DHX35: variants seen among roughly 807,000 people sequenced by gnomAD.
DHX35 encodes probable ATP-dependent RNA helicase DHX35.
DHX35 carries 84 observed loss-of-function variants against 99.6 expected under a neutral mutation model. That is an observed-to-expected ratio of 0.84 (90% CI 0.71 to 1.01). The LOEUF (loss-of-function observed/expected upper bound fraction) is 1.01, where lower values mean the gene tolerates loss of function less well. Ranked by LOEUF, DHX35 falls within the 50% of genes least tolerant of loss-of-function variation. The pLI is 0.00. For synonymous variants in DHX35, 331 were observed against 316.2 expected, an observed-to-expected ratio of 1.05 and a Z score of -0.50; for missense variants, 852 against 888.5, an observed-to-expected ratio of 0.96 and a Z score of 0.52.
chr20:38,980,554 G>T, intron 3 of DHX35, among the ~76,000 whole-genome samples: 1 of 148,896 alleles, frequency 6.7e-6, no homozygotes, highest in South Asian at 2.1e-4. Context: ...GTGGTTGGTA[G>T]TATTTTGTAT....
chr20:39,005,427 A>C (rs2086599432), intron 11 of DHX35, among the ~76,000 whole-genome samples: 1 of 152,176 alleles, frequency 6.6e-6, no homozygotes, highest in Non-Finnish European at 1.5e-5. Context: ...GCTGCTTGTT[A>C]CTCAGGTCTC....
At position 39,021,935 on chromosome 20, in the gene DHX35, AGT is replaced by A; in HGVS notation, c.1593+1_1593+2del. On this transcript the variant is annotated splice_donor_variant, in intron 16 of 21. Transcript: ENST00000252011. LOFTEE classifies it high-confidence loss of function. ...TCCCCCCAAACCAGAAGTCTCACGC[AGT>A]AAGTCAGCTCTGTCCCCAGGCTGTC... 6.2e-7 allele frequency: 1 copy of A among 1,614,138 alleles called. No homozygotes were observed. The highest frequency in any genetic ancestry group is 1.1e-5 in the South Asian group (1 of 91,082).
chr20:38,980,689 A>G (rs1482911734), intron 3 of DHX35, among the ~76,000 whole-genome samples: 1 of 152,188 alleles, frequency 6.6e-6, no homozygotes. Flanking sequence ...TAATAGAAAA[A>G]TTGCAAAAAA....
chr20:39,033,835 A>T (rs2087099847), intron 20 of DHX35, among the ~76,000 whole-genome samples: 1 of 152,316 alleles, frequency 6.6e-6, no homozygotes, highest in African/African-American at 2.4e-5. Flanking sequence ...GTGTCTCTTT[A>T]CAGTCAGTTC....
chr20:39,012,656 A>G (rs929144585), intron 13 of DHX35, among the ~76,000 whole-genome samples: 1 of 152,230 alleles, frequency 6.6e-6, no homozygotes, highest in African/African-American at 2.4e-5. Flanking sequence ...CAGCCTCCCA[A>G]GTAGCTGGGA....
At chr20:38,973,482 A>G (rs1434946756) in intron 3 of DHX35, among the ~76,000 whole-genome samples, 2 of 152,214 alleles carry the variant, frequency 1.3e-5, no homozygotes, top group Non-Finnish European at 2.9e-5. Flanking sequence ...TCTAACTGCC[A>G]TGTCTGCTTA....
intron 12 of DHX35, 56 bp downstream of exon 12, chr20:39,006,412 A>T (rs1477003935): frequency 7.6e-6 from 12 of 1,581,016 alleles, no homozygotes; most frequent in Non-Finnish European, 1.0e-5. Flanking sequence ...CCTGGGCAAC[A>T]GAGTGTAGCA....
At chr20:38,975,059 G>T (rs2086055529) in intron 3 of DHX35, among the ~76,000 whole-genome samples, 2 of 152,180 alleles carry the variant, frequency 1.3e-5, no homozygotes, top group African/African-American at 4.8e-5. Context: ...GTCCAGACTT[G>T]TGGTCATGCC....
intron 21 of DHX35, among the ~76,000 whole-genome samples, chr20:39,036,014 G>C (rs1001471119): frequency 1.3e-5 from 2 of 152,186 alleles, no homozygotes; most frequent in African/African-American, 2.4e-5. Context: ...TGAAAGAAAG[G>C]CTTTTCCTTC....
intron 11 of DHX35, 48 bp from the exon 12 acceptor site, chr20:39,006,093 TAAAAG>T: frequency 6.3e-7 from 1 of 1,581,176 alleles, no homozygotes; most frequent in Non-Finnish European, 8.7e-7. Context: ...ACGAGTTTGT[TAAAAG>T]CAAAAAGAAT....
chr20:38,978,014 T>C, intron 3 of DHX35: 1 of 718,632 alleles, frequency 1.4e-6, no homozygotes, highest in South Asian at 1.4e-5. Flanking sequence ...CCAGATATAC[T>C]TAAGAATTTC....
chr20:39,036,263 A>G (rs1405698581), intron 21 of DHX35, among the ~76,000 whole-genome samples: 8 of 152,224 alleles, frequency 5.3e-5, no homozygotes, highest in Non-Finnish European at 1.0e-4. Flanking sequence ...CAGTTTCTTT[A>G]GGTCAAACCC....
Position 38,976,831 on chromosome 20 carries a change from C to T in DHX35, c.267+4180C>T, listed in dbSNP as rs138110589. ...TTGTAAGATCAACTTTTTTAGATTC[C>T]ACATGTGAGTGAGCTCATGCAGTAT... On this transcript the variant is annotated intron_variant, in intron 3 of 21. Coordinates refer to ENST00000252011, the MANE Select transcript of DHX35 (RefSeq NM_021931.4). Among the ~76,000 whole-genome samples, 53 of 152,218 alleles carry T rather than the reference C, an allele frequency of 3.5e-4. 1 individual carries two copies. The East Asian group carries it at 0.01, about 29-fold the overall frequency.
chr20:38,980,151 T>C (rs2086149715), intron 3 of DHX35, among the ~76,000 whole-genome samples: 1 of 152,136 alleles, frequency 6.6e-6, no homozygotes, highest in South Asian at 2.1e-4. Flanking sequence ...ACACAGGGTA[T>C]TGAGGTGACT....
chr20:39,029,082 A>C (rs992589870), intron 19 of DHX35: 2 of 152,660 alleles, frequency 1.3e-5, no homozygotes, highest in African/African-American at 4.8e-5. Context: ...GCTTAGGCAT[A>C]CTGTAGCCTG....
chr20:39,023,767 A>G lies in DHX35; in HGVS notation c.1671A>G (p.Lys557=). ...TCAATATATATGAAGCATTTATCAA[A>G]GTAAGCACAACTACTGCTCGAAGTG... The part of the protein sequence containing the change: ...TMLNIYEAFI[K]HNKDSKWCQE... The change falls in exon 17 of 22, where the codon AAA becomes AAG. Residue 557 remains lysine, a splice_region_variant and synonymous_variant. Coordinates refer to ENST00000252011, the MANE Select transcript of DHX35 (RefSeq NM_021931.4). 1.2e-6 allele frequency: 2 copies of G among 1,613,648 alleles called. No homozygotes were observed. Among genetic ancestry groups the G allele is most frequent in the African/African-American group, 1.3e-5 (1 of 75,050 alleles).
chr20:39,036,787 G>A (rs1265639632), intron 21 of DHX35, among the ~76,000 whole-genome samples: 2 of 140,432 alleles, frequency 1.4e-5, no homozygotes, highest in Non-Finnish European at 3.0e-5. Context: ...ATTGTATAAC[G>A]ATGGTCCCCA....
intron 18 of DHX35, among the ~76,000 whole-genome samples, chr20:39,027,714 A>G (rs2086980476): frequency 6.6e-6 from 1 of 152,254 alleles, no homozygotes; most frequent in Admixed American, 6.5e-5. Flanking sequence ...AAGAAAAAAA[A>G]TGCTGCCAGT....
intron 7 of DHX35, among the ~76,000 whole-genome samples, chr20:38,993,019 C>T (rs1032690917): frequency 6.6e-6 from 1 of 152,200 alleles, no homozygotes; most frequent in African/African-American, 2.4e-5. Context: ...AACTCACAGC[C>T]AATCTTGTTT....
Sources: gnomAD v4.1 joint callset for allele counts (sites outside exome capture counted in the v4.1 genomes callset) on GRCh38, gnomAD v4.1.1 for gene constraint, MANE v1.5 for transcripts, NCBI Gene and HGNC (gene_info 2026-07-23, HGNC 2026-07-21) for gene names.